The following TMEM225B variants were observed in gnomAD, a reference collection of about 807,000 sequenced individuals.
TMEM225B encodes transmembrane protein 225-like.
TMEM225B carries 10 observed loss-of-function variants against 16.9 expected under a neutral mutation model. That is an observed-to-expected ratio of 0.59 (90% CI 0.36 to 1.00). TMEM225B has a LOEUF of 1.00. Ranked by LOEUF, TMEM225B falls within the 50% of genes least tolerant of loss-of-function variation. The pLI is 0.01. For synonymous variants in TMEM225B, 92 were observed against 109.8 expected, an observed-to-expected ratio of 0.84 and a Z score of 1.01; for missense variants, 217 against 267.0, an observed-to-expected ratio of 0.81 and a Z score of 1.30.
intron 2 of TMEM225B, among the ~76,000 whole-genome samples, chr7:99,602,599 ACT>A (rs1805461523): frequency 6.6e-6 from 1 of 152,046 alleles, no homozygotes; most frequent in Non-Finnish European, 1.5e-5. Context: ...AGGTCCTGAG[ACT>A]CTGAGCAACT....
chr7:99,606,786 G>C lies in TMEM225B; in HGVS notation c.247G>C (p.Val83Leu), dbSNP rs1562954723. Residue 83 changes from valine to leucine, a missense_variant, in exon 4 of 6, where the codon GTT becomes CTT. Val to Leu is a conservative substitution (Grantham distance 32). Coordinates refer to ENST00000431679, the MANE Select transcript of TMEM225B (RefSeq NM_001195541.3). ...ILGRVFLLSA[V>L]FLAFVTTFIM... is the part of the protein sequence containing the mutation. The stretch of plus-strand genomic sequence containing the variant: ...CGGCCGGGTTTTCCTGCTCTCTGCA[G>C]TTTTCTTGGCTTTCGTCACCACCTT... 1.3e-6 allele frequency: 2 copies of C among 1,536,104 alleles called. No individual in the cohort carries two copies. Among genetic ancestry groups the C allele is most frequent in the Non-Finnish European group, 1.7e-6 (2 of 1,146,902 alleles).
intron 3 of TMEM225B, among the ~76,000 whole-genome samples, chr7:99,606,344 G>C (rs1227105213): frequency 6.6e-6 from 1 of 152,186 alleles, no homozygotes; most frequent in East Asian, 1.9e-4. Flanking sequence ...GTACATGCCT[G>C]TGGTCCCAGC....
Position 99,607,813 on chromosome 7 carries a change from G to C in TMEM225B, c.493+3G>C. ...CATCTTTCTGTTCATAGTGGCTGGTGAGTGTCCAGGGAACAGTGCCCTGCT... is the reference window on the plus strand; with the variant it reads ...CATCTTTCTGTTCATAGTGGCTGGTCAGTGTCCAGGGAACAGTGCCCTGCT... On this transcript the variant is annotated splice_donor_region_variant and intron_variant, in intron 5 of 5. Transcript: ENST00000431679. 6.5e-7 allele frequency: 1 copy of C among 1,535,828 alleles called. No individual in the cohort carries two copies. The highest frequency in any genetic ancestry group is 1.4e-5 in the African/African-American group (1 of 73,168).
intron 5 of TMEM225B, 56 bp downstream of exon 5, chr7:99,607,866 C>A: frequency 6.6e-7 from 1 of 1,514,640 alleles, no homozygotes; most frequent in Admixed American, 2.0e-5. Context: ...ATTTAGGAAC[C>A]TGTCTTGTGG....
At chr7:99,607,138 C>T (rs963823353) in intron 4 of TMEM225B, among the ~76,000 whole-genome samples, 1 of 152,086 alleles carries the variant, frequency 6.6e-6, no homozygotes, top group Admixed American at 6.5e-5. Context: ...TAGGCATGTG[C>T]CACCATTCCT....
chr7:99,604,997 AAACAACAACAACAAC>A (rs143208811), intron 3 of TMEM225B, among the ~76,000 whole-genome samples: 33 of 138,452 alleles, frequency 2.4e-4, no homozygotes, highest in South Asian at 1.3e-3. Flanking sequence ...CCCTGTCTCA[AAACAACAACAACAAC>A]AACAACAACA....
In TMEM225B at chr7:99,604,310, ACT is replaced by A. The variant is rs560233837; in HGVS notation, c.-3-75_-3-74del. On this transcript the variant is annotated intron_variant, in intron 2 of 5. Coordinates refer to ENST00000431679, the MANE Select transcript of TMEM225B (RefSeq NM_001195541.3). ...ACACAGCACTGACATTTCCCCAGCC[ACT>A]GTCTCCTTCCCTCTGTGCTGCAGGA... 1,085 of 929,014 alleles carry A rather than the reference ACT, an allele frequency of 1.2e-3. 7 individuals are homozygous for A. The Middle Eastern group carries it at 0.021, about 18-fold the overall frequency. 57.5% of individuals were successfully genotyped at this position (929,014 alleles called of 1,614,324 possible). A position where few individuals can be genotyped will look rare whatever the true frequency, so the allele number is the denominator to read the frequency against.
intron 3 of TMEM225B, among the ~76,000 whole-genome samples, chr7:99,606,059 AT>A (rs1194496674): frequency 6.6e-6 from 1 of 152,212 alleles, no homozygotes; most frequent in African/African-American, 2.4e-5. Flanking sequence ...CAAGAGTTTG[AT>A]TTTGTGTTGC....
intron 2 of TMEM225B, among the ~76,000 whole-genome samples, chr7:99,604,152 A>G (rs967844333): frequency 6.6e-6 from 1 of 152,152 alleles, no homozygotes; most frequent in Non-Finnish European, 1.5e-5. Flanking sequence ...GGAACCTGAC[A>G]TGCCCAAGAT....
At chr7:99,608,397 C>T (rs1020086043) in intron 5 of TMEM225B, among the ~76,000 whole-genome samples, 2 of 152,142 alleles carry the variant, frequency 1.3e-5, no homozygotes, top group Non-Finnish European at 2.9e-5. Context: ...CTCTGCAGAA[C>T]GTTCTACCTG....
chr7:99,600,716 T>C lies in TMEM225B; in HGVS notation c.-4+431T>C, dbSNP rs568657519. Among the ~76,000 whole-genome samples the C allele has an allele frequency of 1.6e-4, 25 of 152,268 alleles. No individual in the cohort carries two copies. The South Asian group carries it at 5.2e-3, about 32-fold the overall frequency. On this transcript the variant is annotated intron_variant, in intron 2 of 5. Transcript: ENST00000431679. ...TGATTCAATTATCTCCACCTGGCCC[T>C]GCTCTTGACACATGGGGATTATTAC...
chr7:99,605,133 G>T (rs1292966713), intron 3 of TMEM225B, among the ~76,000 whole-genome samples: 2 of 152,168 alleles, frequency 1.3e-5, no homozygotes, highest in Non-Finnish European at 2.9e-5. Flanking sequence ...ACTGCCAGCT[G>T]CCCACCTCTG....
At chr7:99,602,395 C>T (rs1202154484) in intron 2 of TMEM225B, among the ~76,000 whole-genome samples, 2 of 152,246 alleles carry the variant, frequency 1.3e-5, no homozygotes, top group Non-Finnish European at 2.9e-5. Context: ...GAAGTCTGCC[C>T]TCCATCCCTG....
In TMEM225B at chr7:99,598,315, CCCA is replaced by C. The variant is rs1805012531; in HGVS notation, c.-148_-146del. The C allele has an allele frequency of 6.6e-6, 1 of 152,304 alleles. No homozygotes were observed. The highest frequency in any genetic ancestry group is 1.5e-5 in the Non-Finnish European group (1 of 68,140). The allele number at this position is 152,304 out of a possible 1,614,324, so 9.4% of individuals were successfully genotyped here. On this transcript the variant is annotated 5_prime_UTR_variant, in exon 1 of 6. Transcript: ENST00000431679. ...GGAGCCTGGAGTGGAGGGCGAGGGTCCCACCGTGACCCGCCTGGAGGGCAGCCC... is the reference window on the plus strand; with the variant it reads ...GGAGCCTGGAGTGGAGGGCGAGGGTCCCGTGACCCGCCTGGAGGGCAGCCC...
At chr7:99,601,947 G>A (rs963419995) in intron 2 of TMEM225B, among the ~76,000 whole-genome samples, 1 of 152,218 alleles carries the variant, frequency 6.6e-6, no homozygotes, top group African/African-American at 2.4e-5. Context: ...GTGGGAGCAG[G>A]GGAGGAAAGC....
At chr7:99,609,033 G>T (rs1806113377) in intron 5 of TMEM225B, among the ~76,000 whole-genome samples, 2 of 151,722 alleles carry the variant, frequency 1.3e-5, no homozygotes, top group African/African-American at 4.8e-5. Context: ...TGGGTATGGT[G>T]GTGCGTGCCT....
At chr7:99,608,823 ATGTG>A (rs1324934606) in intron 5 of TMEM225B, among the ~76,000 whole-genome samples, 14 of 145,802 alleles carry the variant, frequency 9.6e-5, no homozygotes, top group African/African-American at 3.2e-4. Context: ...ACATACATAT[ATGTG>A]TGTGTGTGCA....
At chr7:99,600,663 G>A (rs540505717) in intron 2 of TMEM225B, among the ~76,000 whole-genome samples, 7 of 152,202 alleles carry the variant, frequency 4.6e-5, no homozygotes, top group Admixed American at 2.6e-4. Context: ...TCACTACCAC[G>A]AGAACCGTAT....
chr7:99,607,865 C>T (rs1805960921), intron 5 of TMEM225B, 55 bp downstream of exon 5: 5 of 1,515,114 alleles, frequency 3.3e-6, no homozygotes, highest in Non-Finnish European at 4.4e-6. Flanking sequence ...GATTTAGGAA[C>T]CTGTCTTGTG....
Sources: allele counts gnomAD v4.1 joint callset (sites outside exome capture counted in the v4.1 genomes callset), GRCh38; gene constraint gnomAD v4.1.1; transcripts MANE v1.5; gene names NCBI Gene and HGNC (gene_info 2026-07-23, HGNC 2026-07-21).